PALLD: variants seen among roughly 807,000 people sequenced by gnomAD.
PALLD encodes the protein palladin, cytoskeletal associated protein, also known as palladin.
PALLD carries 61 observed loss-of-function variants against 123.5 expected under a neutral mutation model. The ratio of observed to expected loss-of-function variants is 0.49; its 90% CI spans 0.40 to 0.61. The LOEUF (loss-of-function observed/expected upper bound fraction) is 0.61, where lower values mean the gene tolerates loss of function less well. Among genes scored for constraint, PALLD ranks in the 20% least tolerant of loss-of-function variants. The pLI is 0.00. For missense variants in PALLD, 1,273 were observed against 1,377.0 expected (o/e 0.92, Z 1.20); for synonymous variants, 465 against 496.4 (o/e 0.94, Z 0.84).
At chr4:168,887,897 G>A (rs1055254090) in intron 10 of PALLD, among the ~76,000 whole-genome samples, 7 of 152,090 alleles carry the variant, frequency 4.6e-5, no homozygotes, top group Non-Finnish European at 1.5e-5. Flanking sequence ...TATTATTTGA[G>A]TGTCTGTTAA....
intron 10 of PALLD, chr4:168,832,075 A>T (rs1393270210): frequency 2.0e-6 from 2 of 985,258 alleles, no homozygotes; most frequent in Non-Finnish European, 2.4e-6. Context: ...ATAAAGCCCG[A>T]TACCTGCCCC....
intron 8 of PALLD, among the ~76,000 whole-genome samples, chr4:168,696,819 G>A (rs1783170766): frequency 6.6e-6 from 1 of 152,176 alleles, no homozygotes; most frequent in African/African-American, 2.4e-5. Context: ...GAGAGAAAAG[G>A]CAACAAAGTT....
intron 11 of PALLD, among the ~76,000 whole-genome samples, chr4:168,891,900 GACT>G (rs1365860339): frequency 1.3e-5 from 2 of 152,088 alleles, no homozygotes; most frequent in African/African-American, 4.8e-5. Context: ...TTTTCTCCCA[GACT>G]ACTACTAGAT....
chr4:168,887,034 T>A (rs1753436631), intron 10 of PALLD, among the ~76,000 whole-genome samples: 1 of 150,508 alleles, frequency 6.6e-6, no homozygotes, highest in Non-Finnish European at 1.5e-5. Context: ...GGAGAACTGC[T>A]TGAACCTGGG....
At chr4:168,603,977 C>T (rs1462431473) in intron 2 of PALLD, among the ~76,000 whole-genome samples, 1 of 152,108 alleles carries the variant, frequency 6.6e-6, no homozygotes, top group Non-Finnish European at 1.5e-5. Context: ...CCTTTTATAT[C>T]CAGAAATATC....
intron 2 of PALLD, among the ~76,000 whole-genome samples, chr4:168,583,772 T>G (rs563876671): frequency 2.1e-3 from 327 of 152,334 alleles, no homozygotes; most frequent in Non-Finnish European, 3.6e-3. Flanking sequence ...GTGCTTTTAC[T>G]CTATACTTCT....
chr4:168,566,236 T>C lies in PALLD; in HGVS notation c.908+53824T>C, dbSNP rs149304702. ...TAGATTTAGACCTTGTTTTAAAGAA[T>C]ACAATTCTTTCAGTTTTTCACAGGG... On this transcript the variant is annotated intron_variant, in intron 2 of 21. Coordinates refer to ENST00000505667, the MANE Select transcript of PALLD (RefSeq NM_001166108.2). Among the ~76,000 whole-genome samples the C allele has an allele frequency of 8.4e-3, 1,110 of 132,216 alleles. 15 individuals carry two copies. Among genetic ancestry groups the C allele is most frequent in the African/African-American group, 0.025 (1,001 of 40,354 alleles). 86.7% of individuals were successfully genotyped at this position (132,216 alleles called of 152,430 possible).
At chr4:168,529,706 A>T (rs139141600) in intron 2 of PALLD, among the ~76,000 whole-genome samples, 2 of 152,372 alleles carry the variant, frequency 1.3e-5, no homozygotes, top group Non-Finnish European at 2.9e-5. Flanking sequence ...GACAGAAGAC[A>T]ATTACAAAAT....
At chr4:168,620,126 A>G (rs1274092095) in intron 2 of PALLD, among the ~76,000 whole-genome samples, 1 of 152,230 alleles carries the variant, frequency 6.6e-6, no homozygotes, top group Non-Finnish European at 1.5e-5. Context: ...TTGATTAATG[A>G]TACTTAATTT....
chr4:168,807,393 G>A (rs9968263), intron 10 of PALLD, among the ~76,000 whole-genome samples: 1 of 152,072 alleles, frequency 6.6e-6, no homozygotes, highest in African/African-American at 2.4e-5. Context: ...GACTCATTCA[G>A]AGATGTTTTT....
intron 2 of PALLD, among the ~76,000 whole-genome samples, chr4:168,591,699 G>A (rs1239305255): frequency 6.6e-6 from 1 of 152,046 alleles, no homozygotes; most frequent in African/African-American, 2.4e-5. Flanking sequence ...ACTGTACTTT[G>A]AGAAATTCCA....
intron 2 of PALLD, among the ~76,000 whole-genome samples, chr4:168,654,363 T>G (rs1452594441): frequency 1.3e-5 from 2 of 152,150 alleles, no homozygotes; most frequent in Non-Finnish European, 2.9e-5. Flanking sequence ...TTGTGCATTG[T>G]GAGATCACAG....
chr4:168,713,233 C>T (rs578075326), intron 10 of PALLD, among the ~76,000 whole-genome samples: 160 of 152,270 alleles, frequency 1.1e-3, no homozygotes, highest in African/African-American at 3.7e-3. Context: ...AATACCTATG[C>T]GCCATCTCCA....
At position 168,748,488 on chromosome 4, in the gene PALLD, G is replaced by A. The variant is rs966799119; in HGVS notation, c.1964+36565G>A. ...CTTAGTTGACTTCTATGGTGTATTC[G>A]TTTCCTATTCTGTATAACAGATTAC... On this transcript the variant is annotated intron_variant, in intron 10 of 21. Transcript: ENST00000505667. 5.3e-5 allele frequency among the ~76,000 whole-genome samples: 8 copies of A among 152,126 alleles called. No individual in the cohort carries two copies. The East Asian group carries it at 5.8e-4, about 11-fold the overall frequency.
At chr4:168,548,731 G>A (rs772411369) in intron 2 of PALLD, among the ~76,000 whole-genome samples, 2 of 152,150 alleles carry the variant, frequency 1.3e-5, no homozygotes, top group Non-Finnish European at 2.9e-5. Context: ...GGATATACAA[G>A]TCTTATTTTT....
intron 2 of PALLD, among the ~76,000 whole-genome samples, chr4:168,559,670 G>A (rs1414499886): frequency 1.3e-5 from 2 of 152,134 alleles, no homozygotes; most frequent in East Asian, 3.9e-4. Context: ...GCCGAGGTGG[G>A]TGGATTGCTT....
intron 10 of PALLD, among the ~76,000 whole-genome samples, chr4:168,802,761 G>T (rs1739543564): frequency 6.6e-6 from 1 of 152,008 alleles, no homozygotes; most frequent in African/African-American, 2.4e-5. Context: ...CACCATGTCG[G>T]CTCACCGCAA....
At chr4:168,765,255 T>C (rs1263605681) in intron 10 of PALLD, among the ~76,000 whole-genome samples, 1 of 152,158 alleles carries the variant, frequency 6.6e-6, no homozygotes, top group African/African-American at 2.4e-5. Flanking sequence ...GAAGCGATGA[T>C]GCTGAAGGAG....
chr4:168,777,907 T>G (rs1470551500), intron 10 of PALLD, among the ~76,000 whole-genome samples: 1 of 152,220 alleles, frequency 6.6e-6, no homozygotes, highest in Non-Finnish European at 1.5e-5. Flanking sequence ...GGGAGCCAGC[T>G]GCCTCTGCCA....
Sources: allele counts gnomAD v4.1 joint callset (sites outside exome capture counted in the v4.1 genomes callset), GRCh38; gene constraint gnomAD v4.1.1; transcripts MANE v1.5; gene names NCBI Gene and HGNC (gene_info 2026-07-23, HGNC 2026-07-21).